The following TRIP4 variants were observed in gnomAD, a reference collection of about 807,000 sequenced individuals.
TRIP4 encodes the protein activating signal cointegrator 1.
Under a neutral mutation model 81.8 loss-of-function variants are expected in TRIP4, and 54 were observed. The ratio of observed to expected loss-of-function variants is 0.66; its 90% confidence interval spans 0.53 to 0.83. The LOEUF is 0.83. Ranked by LOEUF, TRIP4 falls within the 40% of genes least tolerant of loss-of-function variation. TRIP4 has a pLI of 0.00. For synonymous variants in TRIP4, 270 were observed against 242.8 expected (o/e 1.11, Z -1.04); for missense variants, 662 against 683.6 (o/e 0.97, Z 0.35).
chr15:64,419,126 A>G (rs1891951366), intron 9 of TRIP4, among the ~76,000 whole-genome samples: 1 of 152,190 alleles, frequency 6.6e-6, no homozygotes, highest in African/African-American at 2.4e-5. Flanking sequence ...CATAGTTTTG[A>G]TGCCTATTTA....
rs1596341721 is a variant in TRIP4 at position 64,407,214 on chromosome 15, G to A, written c.827+755G>A. The stretch of plus-strand genomic sequence containing the variant: ...GTTGCTGACAGTGTAATCTTTTGAT[G>A]GGACATTCCTGCTACTTCCAAACCA... On this transcript the variant is annotated intron_variant, in intron 6 of 12. Coordinates refer to ENST00000261884, the MANE Select transcript of TRIP4 (RefSeq NM_016213.5). Among the ~76,000 whole-genome samples the A allele has an allele frequency of 3.3e-5, 5 of 152,234 alleles. No individual in the cohort carries two copies. The South Asian group carries it at 1.0e-3, about 32-fold the overall frequency.
intron 4 of TRIP4, among the ~76,000 whole-genome samples, chr15:64,399,434 G>A (rs1389578635): frequency 1.3e-5 from 2 of 152,150 alleles, no homozygotes; most frequent in East Asian, 3.9e-4. Flanking sequence ...TGAGGCAACT[G>A]CTAGGAAGTA....
chr15:64,408,552 G>T (rs1041893461), intron 6 of TRIP4, among the ~76,000 whole-genome samples: 1 of 152,034 alleles, frequency 6.6e-6, no homozygotes, highest in African/African-American at 2.4e-5. Flanking sequence ...GAGCCACTGT[G>T]CCCGGCTGAC....
At position 64,410,024 on chromosome 15, in the gene TRIP4, G is replaced by GA. The variant is rs1026396534; in HGVS notation, c.1043+196_1043+197insA. On this transcript the variant is annotated intron_variant, in intron 7 of 12. Coordinates refer to ENST00000261884, the MANE Select transcript of TRIP4 (RefSeq NM_016213.5). ...GATAATTACTGATTTTTGTGGTTTG[G>GA]TTTTTTTTTTTTTTTTTTTGAGATG... Among the ~76,000 whole-genome samples, 1,245 of 133,864 alleles carry GA rather than the reference G, an allele frequency of 9.3e-3. 10 individuals carry two copies. Among genetic ancestry groups the GA allele is most frequent in the African/African-American group, 0.033 (1,214 of 36,580 alleles). 87.8% of individuals were successfully genotyped at this position (133,864 alleles called of 152,430 possible).
chr15:64,400,876 T>A (rs1891483137), intron 5 of TRIP4, 55 bp downstream of exon 5: 2 of 1,426,470 alleles, frequency 1.4e-6, no homozygotes, highest in African/African-American at 1.4e-5. Context: ...TTGTTGCGTC[T>A]GTGGTTGTTT....
rs373039846 is a variant in TRIP4, at chr15:64,414,064, C to T, written c.1044-21C>T. 6.3e-5 allele frequency: 101 copies of T among 1,612,450 alleles called. No homozygotes were observed. The African/African-American group carries it at 1.2e-3, about 19-fold the overall frequency. On this transcript the variant is annotated intron_variant, in intron 7 of 12. Transcript: ENST00000261884. ...CATAGAACATTACCAATTGTTGCAT[C>T]CTTTTGGTTTATTATCACAGACTAG... is the stretch of plus-strand genomic sequence containing the variant.
In TRIP4 at chr15:64,431,849, T is replaced by TATATATATATA. The variant is rs1566981702; in HGVS notation, c.1575+6218_1575+6219insATATATATATA. On this transcript the variant is annotated intron_variant, in intron 11 of 12. Coordinates refer to ENST00000261884, the MANE Select transcript of TRIP4 (RefSeq NM_016213.5). Reference sequence around the variant, plus strand: ...ATTTATATTATATATATATATATATTTTTTTTATCCAAAGAGCATTGTGTT... The same window carrying TATATATATATA: ...ATTTATATTATATATATATATATATTATATATATATATTTTTTATCCAAAGAGCATTGTGTT... 2.6e-4 allele frequency among the ~76,000 whole-genome samples: 21 copies of TATATATATATA among 81,430 alleles called. 1 individual carries two copies. Among genetic ancestry groups the TATATATATATA allele is most frequent in the African/African-American group, 8.1e-4 (20 of 24,766 alleles). The allele number at this position is 81,430 out of a possible 152,430, so 53.4% of individuals were successfully genotyped here.
At chr15:64,417,378 T>G (rs571545656) in intron 8 of TRIP4, among the ~76,000 whole-genome samples, 1 of 152,212 alleles carries the variant, frequency 6.6e-6, no homozygotes, top group Non-Finnish European at 1.5e-5. Context: ...ACTTATGGGC[T>G]CAAGTGATCC....
At chr15:64,416,966 T>C (rs1891902046) in intron 8 of TRIP4, among the ~76,000 whole-genome samples, 1 of 152,190 alleles carries the variant, frequency 6.6e-6, no homozygotes, top group South Asian at 2.1e-4. Flanking sequence ...GCCTAGGGTT[T>C]CGACTACCAC....
intron 11 of TRIP4, among the ~76,000 whole-genome samples, chr15:64,427,501 A>C (rs560808106): frequency 6.6e-4 from 101 of 152,090 alleles, no homozygotes; most frequent in African/African-American, 2.3e-3. Flanking sequence ...TCAGCCTCCC[A>C]GTAGCTGGGA....
At chr15:64,388,587 G>A (rs1453817774) in intron 1 of TRIP4, among the ~76,000 whole-genome samples, 1 of 152,162 alleles carries the variant, frequency 6.6e-6, no homozygotes. Flanking sequence ...GGGATTACAG[G>A]CATGAGCCAC....
intron 9 of TRIP4, among the ~76,000 whole-genome samples, chr15:64,419,997 G>A (rs1208662388): frequency 6.6e-6 from 1 of 151,512 alleles, no homozygotes; most frequent in Non-Finnish European, 1.5e-5. Flanking sequence ...TGTATTTTTA[G>A]TAGAGATGAG....
chr15:64,442,406 T>C (rs1346720332), intron 11 of TRIP4, among the ~76,000 whole-genome samples: 1 of 152,118 alleles, frequency 6.6e-6, no homozygotes, highest in African/African-American at 2.4e-5. Context: ...TCTCACTCTG[T>C]TGCCCACGCT....
At chr15:64,440,914 T>C (rs1210793151) in intron 11 of TRIP4, among the ~76,000 whole-genome samples, 1 of 152,198 alleles carries the variant, frequency 6.6e-6, no homozygotes, top group Non-Finnish European at 1.5e-5. Flanking sequence ...GAGTTATAGT[T>C]CTAAGAGTGT....
At chr15:64,404,064 G>T (rs895221798) in intron 5 of TRIP4, among the ~76,000 whole-genome samples, 2 of 152,036 alleles carry the variant, frequency 1.3e-5, no homozygotes, top group African/African-American at 4.8e-5. Context: ...GGTGGCACAT[G>T]CCTGTAATCC....
At chr15:64,432,221 A>T (rs1371302821) in intron 11 of TRIP4, among the ~76,000 whole-genome samples, 1 of 151,882 alleles carries the variant, frequency 6.6e-6, no homozygotes, top group African/African-American at 2.4e-5. Flanking sequence ...TCCTGAAGAG[A>T]GATGGGAAAT....
In TRIP4 at chr15:64,444,983, CTTTTTA is replaced by C. The variant is rs1892591908; in HGVS notation, c.1576-15_1576-10del. 2 of 1,354,326 alleles carry C rather than the reference CTTTTTA, an allele frequency of 1.5e-6. No homozygotes were observed. Among genetic ancestry groups the C allele is most frequent in the Non-Finnish European group, 2.1e-6 (2 of 963,974 alleles). 83.9% of individuals were successfully genotyped at this position (1,354,326 alleles called of 1,614,324 possible). On this transcript the variant is annotated splice_polypyrimidine_tract_variant and intron_variant, in intron 11 of 12. Coordinates refer to ENST00000261884, the MANE Select transcript of TRIP4 (RefSeq NM_016213.5). ...CAAAGCTTGTCCCAACTATCCTGAA[CTTTTTA>C]TTTTTATATTTCACAGTTTCCAGAC...
In TRIP4 at chr15:64,387,983, C is replaced by CA. The variant is rs1899999001; in HGVS notation, c.101+21dup. The CA allele has an allele frequency of 6.5e-7, 1 of 1,542,506 alleles. No individual in the cohort carries two copies. Among genetic ancestry groups the CA allele is most frequent in the African/African-American group, 1.4e-5 (1 of 73,022 alleles). On this transcript the variant is annotated intron_variant, in intron 1 of 12. Coordinates refer to ENST00000261884, the MANE Select transcript of TRIP4 (RefSeq NM_016213.5). ...TCATTCAGTGAGAACAGTTCGGGTC[C>CA]AAGCGGGGAAGGAGCTCTGGGATGT...
chr15:64,398,939 C>CTTTT (rs71133424), intron 4 of TRIP4, among the ~76,000 whole-genome samples: 3 of 79,230 alleles, frequency 3.8e-5, no homozygotes, highest in African/African-American at 1.5e-4. Flanking sequence ...TTCTTTTTTC[C>CTTTT]TTTTTTTTTT....
Sources: allele counts gnomAD v4.1 joint callset (sites outside exome capture counted in the v4.1 genomes callset), GRCh38; gene constraint gnomAD v4.1.1; transcripts MANE v1.5; gene names NCBI Gene and HGNC (gene_info 2026-07-23, HGNC 2026-07-21).